ENTPD1: variants seen among roughly 807,000 people sequenced by gnomAD.
The protein encoded by ENTPD1 is ectonucleoside triphosphate diphosphohydrolase 1.
A neutral mutation model predicts 57.0 loss-of-function variants in ENTPD1; 33 were observed. That is an observed-to-expected ratio of 0.58 (90% CI 0.44 to 0.77). ENTPD1 has a LOEUF of 0.77. ENTPD1 is among the 30% of genes least tolerant of loss of function. The pLI is 0.00. For missense variants in ENTPD1, 501 were observed against 603.4 expected (o/e 0.83, Z 1.78); for synonymous variants, 202 against 218.8 (o/e 0.92, Z 0.68).
At chr10:95,742,282 G>A (rs2098001158) in intron 1 of ENTPD1, among the ~76,000 whole-genome samples, 1 of 152,236 alleles carries the variant, frequency 6.6e-6, no homozygotes, top group Middle Eastern at 3.4e-3. Flanking sequence ...TAGCTTTTCT[G>A]CATCTCAGAG....
chr10:95,868,769 G>A lies in ENTPD1; in HGVS notation c.*2386G>A. On this transcript the variant is annotated 3_prime_UTR_variant, in exon 10 of 10. Coordinates refer to ENST00000371205, the MANE Select transcript of ENTPD1 (RefSeq NM_001776.6). ...ACTTTCCCTCAGCAAGTTGGAATTAGACTTCACAAGTCTCCTTCAGAGAAC... is the reference window on the plus strand; with the variant it reads ...ACTTTCCCTCAGCAAGTTGGAATTAAACTTCACAAGTCTCCTTCAGAGAAC... The A allele has an allele frequency of 1.0e-6, 1 of 985,292 alleles. No individual in the cohort carries two copies. The highest frequency in any genetic ancestry group is 1.2e-6 in the Non-Finnish European group (1 of 829,918). The allele number at this position is 985,292 out of a possible 1,614,324, so 61.0% of individuals were successfully genotyped here.
intron 1 of ENTPD1, among the ~76,000 whole-genome samples, chr10:95,760,714 G>A (rs1448915424): frequency 6.6e-6 from 1 of 151,630 alleles, no homozygotes; most frequent in Non-Finnish European, 1.5e-5. Context: ...TGGTGCTGAA[G>A]GGCACTAGTG....
chr10:95,729,423 C>A (rs1048623197), intron 1 of ENTPD1, among the ~76,000 whole-genome samples: 1 of 152,096 alleles, frequency 6.6e-6, no homozygotes, highest in African/African-American at 2.4e-5. Context: ...ATGCTTCTTA[C>A]CAAAGTTCAG....
chr10:95,848,642 T>C (rs1049391232), intron 7 of ENTPD1, among the ~76,000 whole-genome samples: 7 of 152,316 alleles, frequency 4.6e-5, no homozygotes, highest in South Asian at 2.1e-4. Context: ...TCATATTTTC[T>C]TTCACATGCA....
chr10:95,801,687 T>C (rs988204515), intron 1 of ENTPD1, among the ~76,000 whole-genome samples: 1 of 152,166 alleles, frequency 6.6e-6, no homozygotes, highest in African/African-American at 2.4e-5. Flanking sequence ...CATTGGTCTA[T>C]GTGTCTGATT....
At chr10:95,826,321 G>T (rs3901450) in intron 2 of ENTPD1, among the ~76,000 whole-genome samples, 2 of 151,254 alleles carry the variant, frequency 1.3e-5, no homozygotes, top group Non-Finnish European at 3.0e-5. Flanking sequence ...GCCTGTAATC[G>T]AAGCAGTTTG....
chr10:95,832,586 C>T (rs910003685), intron 2 of ENTPD1, among the ~76,000 whole-genome samples: 4 of 152,156 alleles, frequency 2.6e-5, no homozygotes, highest in African/African-American at 9.7e-5. Context: ...AAACATTCCA[C>T]ATTTTGGCAC....
rs1555306732 is a variant in ENTPD1, at chr10:95,860,455, A to AT, written c.1075-10dup. ...GTGTGGAACACAGCCTAAAACTGCGATTTTCTCTTGTAGGCATTTTCAGCT... is the reference window on the plus strand; with the variant it reads ...GTGTGGAACACAGCCTAAAACTGCGATTTTTCTCTTGTAGGCATTTTCAGCT... On this transcript the variant is annotated splice_polypyrimidine_tract_variant and intron_variant, in intron 7 of 9. Coordinates refer to ENST00000371205, the MANE Select transcript of ENTPD1 (RefSeq NM_001776.6). 1 of 1,608,704 alleles carries AT rather than the reference A, an allele frequency of 6.2e-7. No individual in the cohort carries two copies. Among genetic ancestry groups the AT allele is most frequent in the East Asian group, 2.2e-5 (1 of 44,696 alleles).
chr10:95,718,676 C>T (rs2097974225), intron 1 of ENTPD1, among the ~76,000 whole-genome samples: 1 of 152,152 alleles, frequency 6.6e-6, no homozygotes, highest in Non-Finnish European at 1.5e-5. Flanking sequence ...CGAGTGAGGG[C>T]TATTAGTTCT....
chr10:95,762,125 C>T (rs2098066322), intron 1 of ENTPD1, among the ~76,000 whole-genome samples: 1 of 150,424 alleles, frequency 6.6e-6, no homozygotes, highest in Admixed American at 6.6e-5. Context: ...CTTTAGAGAC[C>T]GACAGTGGCA....
chr10:95,871,748 C>A lies in ENTPD1; in HGVS notation c.*5365C>A, dbSNP rs146979297. ...GATCAGTGATGATGATCACCCTCAT[C>A]AGCACTAGAGTTGACTTGTTTTTAT... On this transcript the variant is annotated 3_prime_UTR_variant, in exon 10 of 10. Transcript: ENST00000371205. 1.1e-3 allele frequency: 1,065 copies of A among 985,410 alleles called. 10 individuals carry two copies. The African/African-American group carries it at 0.016, about 15-fold the overall frequency. 61.0% of individuals were successfully genotyped at this position (985,410 alleles called of 1,614,324 possible).
the ENTPD1 span, among the ~76,000 whole-genome samples, chr10:95,695,459 C>A: frequency 6.6e-6 from 1 of 152,336 alleles, no homozygotes; most frequent in Admixed American, 6.5e-5. Flanking sequence ...ACAAGTGAAT[C>A]ATTTAACTCA....
intron 1 of ENTPD1, among the ~76,000 whole-genome samples, chr10:95,814,794 A>G (rs1269253382): frequency 1.3e-5 from 2 of 152,240 alleles, no homozygotes; most frequent in African/African-American, 2.4e-5. Flanking sequence ...TCAAGAGATC[A>G]GTGGAACAGG....
At chr10:95,755,628 G>T (rs1188096154), upstream of ENTPD1, 1 of 1,460,126 alleles carries the variant, frequency 6.8e-7, no homozygotes, top group African/African-American at 1.4e-5. Context: ...AGCGTCTCCT[G>T]CAGGAAACTC....
At chr10:95,751,032 C>T (rs1197959317), upstream of ENTPD1, among the ~76,000 whole-genome samples, 1 of 151,860 alleles carries the variant, frequency 6.6e-6, no homozygotes, top group Admixed American at 6.6e-5. Context: ...CAGAACAAAA[C>T]AAAACAAAAA....
chr10:95,830,896 G>A (rs765572199), intron 2 of ENTPD1, among the ~76,000 whole-genome samples: 5 of 152,178 alleles, frequency 3.3e-5, no homozygotes, highest in Admixed American at 6.5e-5. Context: ...CTGCTTTGAA[G>A]GGTTTCATAC....
rs2098475639 is a variant in ENTPD1, at chr10:95,867,370, T to C, written c.*987T>C. On this transcript the variant is annotated 3_prime_UTR_variant, in exon 10 of 10. Coordinates refer to ENST00000371205, the MANE Select transcript of ENTPD1 (RefSeq NM_001776.6). The stretch of plus-strand genomic sequence containing the variant: ...AATACATTGTCTAGAGACAAGACTA[T>C]CCTGGGTAGGCAGAAACCATAGATC... 1.3e-5 allele frequency: 13 copies of C among 985,456 alleles called. No homozygotes were observed. The highest frequency in any genetic ancestry group is 1.6e-5 in the Non-Finnish European group (13 of 829,940). The allele number at this position is 985,456 out of a possible 1,614,324, so 61.0% of individuals were successfully genotyped here.
intron 1 of ENTPD1, chr10:95,712,045 T>C: frequency 1.2e-6 from 2 of 1,611,976 alleles, no homozygotes; most frequent in Non-Finnish European, 1.7e-6. Flanking sequence ...CTGTGGAATC[T>C]GGTAGAGCCG....
intron 1 of ENTPD1, among the ~76,000 whole-genome samples, chr10:95,712,536 A>T (rs1452857923): frequency 2.6e-5 from 4 of 152,162 alleles, no homozygotes; most frequent in African/African-American, 9.7e-5. Context: ...TAAGTGGTAT[A>T]CTTTTTGTTC....
Sources: gnomAD v4.1 joint callset for allele counts (sites outside exome capture counted in the v4.1 genomes callset) on GRCh38, gnomAD v4.1.1 for gene constraint, MANE v1.5 for transcripts, NCBI Gene and HGNC (gene_info 2026-07-23, HGNC 2026-07-21) for gene names.